Variants in ZNF804B observed in about 807,000 individuals in gnomAD.
The protein encoded by ZNF804B is zinc finger protein 804B, also known as zinc finger 804B.
Under a neutral mutation model 101.4 loss-of-function variants are expected in ZNF804B, and 80 were observed. The observed-to-expected ratio is 0.79, with a 90% confidence interval of 0.66 to 0.95. ZNF804B has a LOEUF of 0.95. Ranked by LOEUF, ZNF804B falls within the 40% of genes least tolerant of loss-of-function variation. ZNF804B has a pLI of 0.00. For missense variants in ZNF804B, 1,673 were observed against 1,561.9 expected, an observed-to-expected ratio of 1.07 and a Z score of -1.20; for synonymous variants, 622 against 558.8, an observed-to-expected ratio of 1.11 and a Z score of -1.59.
At chr7:89,279,420 G>C (rs938291136) in intron 2 of ZNF804B, among the ~76,000 whole-genome samples, 11 of 150,638 alleles carry the variant, frequency 7.3e-5, no homozygotes, top group African/African-American at 2.5e-4. Context: ...GGGCATCCCT[G>C]TCTTGTGCCA....
At chr7:88,992,057 T>C (rs907989710) in intron 1 of ZNF804B, among the ~76,000 whole-genome samples, 3 of 152,126 alleles carry the variant, frequency 2.0e-5, no homozygotes, top group African/African-American at 4.8e-5. Context: ...AGCTCTTTCT[T>C]CTTTCTGAGT....
chr7:88,950,966 A>G (rs1299338570), intron 1 of ZNF804B, among the ~76,000 whole-genome samples: 2 of 151,786 alleles, frequency 1.3e-5, no homozygotes, highest in Non-Finnish European at 2.9e-5. Context: ...AGTTACTGGT[A>G]CATAACGTAC....
At chr7:88,881,349 A>G (rs957135921) in intron 1 of ZNF804B, among the ~76,000 whole-genome samples, 1 of 152,146 alleles carries the variant, frequency 6.6e-6, no homozygotes, top group Non-Finnish European at 1.5e-5. Flanking sequence ...TAGCACCATG[A>G]GAACAGTGTT....
intron 2 of ZNF804B, among the ~76,000 whole-genome samples, chr7:89,231,057 C>A (rs1184839496): frequency 1.9e-4 from 29 of 151,870 alleles, no homozygotes. Context: ...TTTTATATTT[C>A]TCTGAATATT....
intron 1 of ZNF804B, among the ~76,000 whole-genome samples, chr7:88,784,363 T>G (rs1307815034): frequency 6.6e-6 from 1 of 152,168 alleles, no homozygotes; most frequent in Non-Finnish European, 1.5e-5. Context: ...CAAATGTTTA[T>G]TAAGAAGACA....
At chr7:89,257,955 A>C (rs1789659689) in intron 2 of ZNF804B, among the ~76,000 whole-genome samples, 1 of 152,120 alleles carries the variant, frequency 6.6e-6, no homozygotes, top group Non-Finnish European at 1.5e-5. Context: ...TATCTCATAA[A>C]GTCACCCCAT....
Position 88,929,982 on chromosome 7 carries a change from A to G in ZNF804B, c.108+169898A>G, listed in dbSNP as rs966811334. On this transcript the variant is annotated intron_variant, in intron 1 of 3. Coordinates refer to ENST00000333190, the MANE Select transcript of ZNF804B (RefSeq NM_181646.5). ...TAAAAATTTAGATTGTTTTTAAAGA[A>G]AGGTGGTTCCAAAATGTATGTTTTG... is the stretch of plus-strand genomic sequence containing the variant. Among the ~76,000 whole-genome samples the G allele has an allele frequency of 2.0e-5, 3 of 151,946 alleles. No individual in the cohort carries two copies. The East Asian group carries it at 5.8e-4, about 29-fold the overall frequency.
rs142240165 is a variant in ZNF804B, at chr7:89,216,469, C to T, written c.109-1686C>T. ...CTGGCAATTTTCCTAGTTCTTTCAA[C>T]AACTGGGTTTTGACCTTGAAATCAG... On this transcript the variant is annotated intron_variant, in intron 1 of 3. Transcript: ENST00000333190. Among the ~76,000 whole-genome samples, 577 of 152,338 alleles carry T rather than the reference C, an allele frequency of 3.8e-3. 3 individuals are homozygous for T. Among genetic ancestry groups the T allele is most frequent in the African/African-American group, 0.013 (554 of 41,574 alleles).
chr7:89,259,840 C>G (rs1005215009), intron 2 of ZNF804B, among the ~76,000 whole-genome samples: 2 of 152,008 alleles, frequency 1.3e-5, no homozygotes, highest in Non-Finnish European at 2.9e-5. Flanking sequence ...ATTAGCCAGG[C>G]ATGGTGGCAG....
chr7:89,028,963 C>A (rs1183611759), intron 1 of ZNF804B, among the ~76,000 whole-genome samples: 3 of 152,140 alleles, frequency 2.0e-5, no homozygotes, highest in African/African-American at 7.2e-5. Context: ...TGATCTCCTA[C>A]TAGCCTGCAA....
In ZNF804B at chr7:88,800,377, A is replaced by G. The variant is rs557376481; in HGVS notation, c.108+40293A>G. The stretch of plus-strand genomic sequence containing the variant: ...AGTGTTTGGTAATTACTTATCAAGG[A>G]GAGCGCAGGCTAGGAACATTTAGTT... On this transcript the variant is annotated intron_variant, in intron 1 of 3. Coordinates refer to ENST00000333190, the MANE Select transcript of ZNF804B (RefSeq NM_181646.5). 3.3e-4 allele frequency among the ~76,000 whole-genome samples: 50 copies of G among 152,220 alleles called. No individual in the cohort carries two copies. In the South Asian group the frequency reaches 0.01, roughly 32 times the overall value.
intron 1 of ZNF804B, among the ~76,000 whole-genome samples, chr7:88,797,432 C>A (rs1790503410): frequency 6.6e-6 from 1 of 152,138 alleles, no homozygotes; most frequent in African/African-American, 2.4e-5. Flanking sequence ...ACAAAGTCCT[C>A]CCTGCTTTCT....
chr7:89,212,254 C>T (rs1293447863), intron 1 of ZNF804B, among the ~76,000 whole-genome samples: 2 of 87,044 alleles, frequency 2.3e-5, no homozygotes, highest in Non-Finnish European at 4.9e-5. Flanking sequence ...TTCAGTGATA[C>T]ACACACACAC....
intron 1 of ZNF804B, among the ~76,000 whole-genome samples, chr7:88,976,901 A>G (rs1793621694): frequency 6.6e-6 from 1 of 151,558 alleles, no homozygotes; most frequent in Non-Finnish European, 1.5e-5. Context: ...TGTGTGTGGT[A>G]TGTTCTTTCT....
intron 1 of ZNF804B, among the ~76,000 whole-genome samples, chr7:88,870,715 T>C (rs1791809605): frequency 6.6e-6 from 1 of 152,168 alleles, no homozygotes; most frequent in Non-Finnish European, 1.5e-5. Context: ...AATCCTGACA[T>C]ATTTTTTAAA....
intron 1 of ZNF804B, among the ~76,000 whole-genome samples, chr7:88,897,652 TA>T (rs1278486236): frequency 1.3e-5 from 2 of 152,182 alleles, no homozygotes; most frequent in Admixed American, 1.3e-4. Context: ...GAGTCTCAGC[TA>T]AATTAAGGAA....
At chr7:88,784,250 T>A (rs927308143) in intron 1 of ZNF804B, among the ~76,000 whole-genome samples, 9 of 152,172 alleles carry the variant, frequency 5.9e-5, no homozygotes, top group African/African-American at 2.2e-4. Context: ...AGCAGTGTAT[T>A]AACCCAAGGC....
At chr7:89,280,126 A>G (rs1309303452) in intron 2 of ZNF804B, among the ~76,000 whole-genome samples, 1 of 152,212 alleles carries the variant, frequency 6.6e-6, no homozygotes, top group South Asian at 2.1e-4. Context: ...ACTTAACCAC[A>G]TGGAAACTGA....
chr7:89,279,660 A>T, intron 2 of ZNF804B, among the ~76,000 whole-genome samples: 1 of 151,968 alleles, frequency 6.6e-6, no homozygotes, highest in Non-Finnish European at 1.5e-5. Flanking sequence ...ACGTTTATTG[A>T]TTTTCATATG....
Sources: allele counts gnomAD v4.1 joint callset (sites outside exome capture counted in the v4.1 genomes callset), GRCh38; gene constraint gnomAD v4.1.1; transcripts MANE v1.5; gene names NCBI Gene and HGNC (gene_info 2026-07-23, HGNC 2026-07-21).